Variants in GSE1 observed in about 807,000 individuals in gnomAD.
GSE1 encodes the protein genetic suppressor element 1.
Under a neutral mutation model 112.6 loss-of-function variants are expected in GSE1, and 32 were observed. The ratio of observed to expected loss-of-function variants is 0.28; its 90% CI spans 0.21 to 0.38. The LOEUF (loss-of-function observed/expected upper bound fraction) is 0.38. Among genes scored for constraint, GSE1 ranks in the 10% least tolerant of loss-of-function variants. GSE1 has a pLI of 1.00. For missense variants in GSE1, 2,348 were observed against 1,699.2 expected (o/e 1.38, Z -6.71); for synonymous variants, 1,115 against 735.6 (o/e 1.52, Z -8.35).
chr16:85,196,793 CCT>C (rs2074936192), intron 1 of GSE1, among the ~76,000 whole-genome samples: 1 of 152,034 alleles, frequency 6.6e-6, no homozygotes, highest in Admixed American at 6.5e-5. Flanking sequence ...GGCGGGGGGG[CCT>C]GCCGGAATTT....
At chr16:85,293,217 G>A (rs116150064) in intron 1 of GSE1, among the ~76,000 whole-genome samples, 2,171 of 152,168 alleles carry the variant, frequency 0.014, 70 homozygotes, top group African/African-American at 0.05. Flanking sequence ...GTAGTGTCCC[G>A]TGTCCTGTTA....
chr16:85,572,421 C>T (rs558646941), intron 1 of GSE1, among the ~76,000 whole-genome samples: 41 of 149,448 alleles, frequency 2.7e-4, no homozygotes, highest in Admixed American at 9.3e-4. Context: ...CTACACACCA[C>T]ACACACACAG....
At chr16:85,498,019 G>C (rs1351547279) in intron 2 of GSE1, among the ~76,000 whole-genome samples, 2 of 152,078 alleles carry the variant, frequency 1.3e-5, no homozygotes, top group Non-Finnish European at 2.9e-5. Flanking sequence ...GTGCCTGTGT[G>C]CTCCGCAGGA....
chr16:85,255,012 C>G (rs747445010), intron 1 of GSE1, among the ~76,000 whole-genome samples: 2 of 152,246 alleles, frequency 1.3e-5, no homozygotes, highest in Admixed American at 6.5e-5. Context: ...GCACCCACCT[C>G]TGCCGCGGGC....
chr16:85,294,340 A>G (rs2045302500), intron 1 of GSE1, among the ~76,000 whole-genome samples: 1 of 152,118 alleles, frequency 6.6e-6, no homozygotes. Context: ...TACCCTCTGG[A>G]GTCTGCGCTT....
At chr16:85,531,344 T>G (rs2044128823) in intron 2 of GSE1, among the ~76,000 whole-genome samples, 1 of 151,784 alleles carries the variant, frequency 6.6e-6, no homozygotes, top group Non-Finnish European at 1.5e-5. Context: ...AGCTTGGGAG[T>G]AGGAGTAAGT....
At chr16:85,511,588 T>G (rs1227752780) in intron 2 of GSE1, among the ~76,000 whole-genome samples, 1 of 151,490 alleles carries the variant, frequency 6.6e-6, no homozygotes, top group Non-Finnish European at 1.5e-5. Flanking sequence ...GCCCTGAACC[T>G]GTGTATGTGA....
chr16:85,339,899 A>C (rs541117241), intron 1 of GSE1, among the ~76,000 whole-genome samples: 1 of 152,066 alleles, frequency 6.6e-6, no homozygotes, highest in Non-Finnish European at 1.5e-5. Context: ...TCCCTGTCTT[A>C]CTCACTGCCA....
chr16:85,414,311 A>G (rs1314827961), intron 2 of GSE1, among the ~76,000 whole-genome samples: 1 of 152,244 alleles, frequency 6.6e-6, no homozygotes, highest in Non-Finnish European at 1.5e-5. Flanking sequence ...AATCACTGCC[A>G]TGGTCAGGTG....
At position 85,673,149 on chromosome 16, in the gene GSE1, T is replaced by TAAAG. The variant is rs1598741384; in HGVS notation, c.*612_*615dup. ...TTCCCTGGAAAAGCTCTTTCTTACC[T>TAAAG]AAAGATAAAACCAATTCACAAACTG... On this transcript the variant is annotated 3_prime_UTR_variant, in exon 16 of 16. Transcript: ENST00000253458. The TAAAG allele has an allele frequency of 6.6e-6, 1 of 152,506 alleles. No homozygotes were observed. The highest frequency in any genetic ancestry group is 2.4e-5 in the African/African-American group (1 of 41,442). The allele number at this position is 152,506 out of a possible 1,614,324, so 9.4% of individuals were successfully genotyped here. A position where few individuals can be genotyped will look rare whatever the true frequency, so the allele number is the denominator to read the frequency against.
chr16:85,474,794 G>T (rs1401698497), intron 2 of GSE1, among the ~76,000 whole-genome samples: 2 of 151,998 alleles, frequency 1.3e-5, no homozygotes, highest in Admixed American at 1.3e-4. Flanking sequence ...GGAAGGGGGA[G>T]CCTGGAGAAG....
At chr16:85,210,106 C>T (rs1024107567) in intron 1 of GSE1, among the ~76,000 whole-genome samples, 4 of 152,172 alleles carry the variant, frequency 2.6e-5, no homozygotes, top group Non-Finnish European at 4.4e-5. Context: ...TTCATATTGC[C>T]GCTGGCAGCA....
At chr16:85,501,008 T>G (rs1461013970) in intron 2 of GSE1, among the ~76,000 whole-genome samples, 2 of 134,780 alleles carry the variant, frequency 1.5e-5, no homozygotes, top group Non-Finnish European at 3.1e-5. Flanking sequence ...GTTTTTTTTT[T>G]TTTTTTTTTT....
chr16:85,400,137 T>C (rs1369643973), intron 2 of GSE1, among the ~76,000 whole-genome samples: 1 of 152,244 alleles, frequency 6.6e-6, no homozygotes, highest in East Asian at 1.9e-4. Context: ...TTAATGCTTA[T>C]TCTTTCAAAG....
At chr16:85,515,292 G>A (rs894697373) in intron 2 of GSE1, among the ~76,000 whole-genome samples, 17 of 152,242 alleles carry the variant, frequency 1.1e-4, no homozygotes, top group Non-Finnish European at 2.4e-4. Flanking sequence ...CAGTGCCCGG[G>A]GAGCCAGGAG....
rs149009075 is a variant in GSE1, at chr16:85,347,226, G to C, written c.2284-10237G>C. 4.4e-3 allele frequency among the ~76,000 whole-genome samples: 677 copies of C among 152,176 alleles called. 1 individual carries two copies. Among genetic ancestry groups the C allele is most frequent in the Middle Eastern group, 0.017 (5 of 294 alleles). ...TGGGGAATACCTCTGGGGCTGGGAG[G>C]GGTCCCTGGGAGAGACAGGATGTCC... On this transcript the variant is annotated intron_variant, in intron 1 of 2. Coordinates refer to the GSE1 transcript ENST00000637419.
intron 13 of GSE1, 43 bp downstream of exon 13, chr16:85,666,390 G>A (rs774160636): frequency 8.1e-6 from 13 of 1,608,580 alleles, no homozygotes; most frequent in Middle Eastern, 4.0e-4. Flanking sequence ...GGCTGTGGTT[G>A]AGGCTGACCA....
chr16:85,514,441 C>A (rs1214599097), intron 2 of GSE1, among the ~76,000 whole-genome samples: 2 of 136,706 alleles, frequency 1.5e-5, no homozygotes, highest in African/African-American at 2.7e-5. Flanking sequence ...CCCCCCACCC[C>A]AGGGCAGCTC....
chr16:85,172,546 A>G (rs1007723559), intron 1 of GSE1, among the ~76,000 whole-genome samples: 5 of 152,168 alleles, frequency 3.3e-5, no homozygotes, highest in African/African-American at 1.2e-4. Flanking sequence ...TTAATTTGGG[A>G]TCCGGCTTTG....
Sources: allele counts gnomAD v4.1 joint callset (sites outside exome capture counted in the v4.1 genomes callset), GRCh38; gene constraint gnomAD v4.1.1; transcripts MANE v1.5; gene names NCBI Gene and HGNC (gene_info 2026-07-23, HGNC 2026-07-21).